TNKS: variants seen among roughly 807,000 people sequenced by gnomAD.
The protein encoded by TNKS is poly [ADP-ribose] polymerase tankyrase-1.
TNKS carries 72 observed loss-of-function variants against 135.8 expected under a neutral mutation model. The ratio of observed to expected loss-of-function variants is 0.53; its 90% CI spans 0.44 to 0.64. The LOEUF (loss-of-function observed/expected upper bound fraction) is 0.64, where lower values mean the gene tolerates loss of function less well. Ranked by LOEUF, TNKS falls within the 30% of genes least tolerant of loss-of-function variation. TNKS has a pLI of 0.00. For missense variants in TNKS, 1,769 were observed against 1,674.0 expected (o/e 1.06, Z -0.99); for synonymous variants, 849 against 649.3 (o/e 1.31, Z -4.68).
chr8:9,743,591 A>G (rs1806081447), intron 17 of TNKS: 1 of 152,218 alleles, frequency 6.6e-6, no homozygotes, highest in African/African-American at 2.4e-5. Context: ...GTTATTATAA[A>G]ATAACTTGCT....
intron 2 of TNKS, among the ~76,000 whole-genome samples, chr8:9,602,798 A>C (rs1047679731): frequency 6.6e-6 from 1 of 152,232 alleles, no homozygotes; most frequent in Non-Finnish European, 1.5e-5. Context: ...TATCTCAAGT[A>C]TTATTTCAAC....
rs1797699290 is a variant in TNKS, at chr8:9,570,078, TAA to T, written c.674-10080_674-10079del. ...ATTTTAAATTTATTTTGCTATATAT[TAA>T]GAGGTAAATATTTTAAAAATTGTTC... On this transcript the variant is annotated intron_variant, in intron 1 of 26. Coordinates refer to ENST00000310430, the MANE Select transcript of TNKS (RefSeq NM_003747.3). Among the ~76,000 whole-genome samples, 3 of 152,200 alleles carry T rather than the reference TAA, an allele frequency of 2.0e-5. No homozygotes were observed. The South Asian group carries it at 6.2e-4, about 31-fold the overall frequency.
rs946619289 is a variant in TNKS at position 9,669,433 on chromosome 8, A to C, written c.995-10518A>C. Among the ~76,000 whole-genome samples the C allele has an allele frequency of 1.6e-4, 24 of 152,028 alleles. 3 individuals are homozygous for C. The highest frequency in any genetic ancestry group is 5.8e-4 in the African/African-American group (24 of 41,516). The stretch of plus-strand genomic sequence containing the variant: ...GAGCGAGACTCCGCCTCAAAAAAAA[A>C]AAAAAAAAAAAGAATGGAAAAAAGA... On this transcript the variant is annotated intron_variant, in intron 3 of 26. Transcript: ENST00000310430.
At chr8:9,698,016 G>A (rs1319217437) in intron 5 of TNKS, among the ~76,000 whole-genome samples, 5 of 152,138 alleles carry the variant, frequency 3.3e-5, no homozygotes, top group East Asian at 3.9e-4. Context: ...CCTATCAGTG[G>A]TGGATTGGAT....
chr8:9,565,858 A>G (rs1797509808), intron 1 of TNKS, among the ~76,000 whole-genome samples: 1 of 152,146 alleles, frequency 6.6e-6, no homozygotes, highest in Admixed American at 6.5e-5. Flanking sequence ...CTCCGTCTCA[A>G]AAAAAATAAA....
At chr8:9,567,456 C>T (rs762205703) in intron 1 of TNKS, among the ~76,000 whole-genome samples, 7 of 152,182 alleles carry the variant, frequency 4.6e-5, no homozygotes, top group Non-Finnish European at 1.0e-4. Flanking sequence ...CGCTCTGTCG[C>T]CCAGGCTGGA....
At chr8:9,659,441 C>G (rs937222007) in intron 3 of TNKS, among the ~76,000 whole-genome samples, 3 of 152,130 alleles carry the variant, frequency 2.0e-5, no homozygotes, top group African/African-American at 7.2e-5. Context: ...TCACTCAAAA[C>G]TACTCAACTA....
chr8:9,769,200 TG>T (rs1039149370), intron 25 of TNKS, among the ~76,000 whole-genome samples: 5 of 152,326 alleles, frequency 3.3e-5, no homozygotes, highest in African/African-American at 9.6e-5. Context: ...AATGAATGCA[TG>T]GCTGTGTGCC....
intron 3 of TNKS, among the ~76,000 whole-genome samples, chr8:9,654,421 G>A (rs1052600705): frequency 6.6e-6 from 1 of 152,048 alleles, no homozygotes; most frequent in Non-Finnish European, 1.5e-5. Flanking sequence ...TAATACCTTT[G>A]CAACTGAAAG....
At chr8:9,697,945 G>T (rs951658737) in intron 5 of TNKS, among the ~76,000 whole-genome samples, 1 of 152,126 alleles carries the variant, frequency 6.6e-6, no homozygotes, top group Non-Finnish European at 1.5e-5. Flanking sequence ...AAAGATACAT[G>T]AAGTTGTATG....
intron 3 of TNKS, among the ~76,000 whole-genome samples, chr8:9,671,606 G>C (rs1463537551): frequency 1.3e-5 from 2 of 152,184 alleles, no homozygotes; most frequent in Admixed American, 1.3e-4. Context: ...AGGGGGATTG[G>C]AGTAGGCGAT....
intron 11 of TNKS, among the ~76,000 whole-genome samples, chr8:9,716,818 C>G (rs966662039): frequency 6.6e-6 from 1 of 151,512 alleles, no homozygotes; most frequent in African/African-American, 2.4e-5. Context: ...TCTCTATGGC[C>G]TAAATGTGGT....
intron 13 of TNKS, among the ~76,000 whole-genome samples, chr8:9,728,617 G>A (rs1805270321): frequency 6.6e-6 from 1 of 151,954 alleles, no homozygotes; most frequent in African/African-American, 2.4e-5. Context: ...CTTAGAGGGT[G>A]TTTATTATCA....
intron 3 of TNKS, among the ~76,000 whole-genome samples, chr8:9,648,090 C>A (rs1800984008): frequency 6.6e-6 from 1 of 152,104 alleles, no homozygotes; most frequent in East Asian, 1.9e-4. Flanking sequence ...GCTTGCGGGA[C>A]TGGAAGTTGA....
chr8:9,574,266 G>A (rs1251632898), intron 1 of TNKS, among the ~76,000 whole-genome samples: 1 of 152,108 alleles, frequency 6.6e-6, no homozygotes, highest in Non-Finnish European at 1.5e-5. Context: ...GCAGTTCATC[G>A]GGGTACACTT....
At chr8:9,574,776 C>G (rs914754303) in intron 1 of TNKS, among the ~76,000 whole-genome samples, 1 of 152,026 alleles carries the variant, frequency 6.6e-6, no homozygotes. Context: ...GGTAGCTGGA[C>G]AGATGACACA....
intron 5 of TNKS, among the ~76,000 whole-genome samples, chr8:9,698,188 G>A (rs1585342425): frequency 6.6e-6 from 1 of 152,078 alleles, no homozygotes; most frequent in African/African-American, 2.4e-5. Flanking sequence ...CTTATAAGTG[G>A]GATCTAAACA....
intron 2 of TNKS, among the ~76,000 whole-genome samples, chr8:9,580,937 A>G (rs957947718): frequency 3.6e-4 from 55 of 152,202 alleles, no homozygotes; most frequent in African/African-American, 1.2e-3. Context: ...GCTGTATTCA[A>G]TCAGCATTTT....
intron 11 of TNKS, among the ~76,000 whole-genome samples, chr8:9,710,799 G>A (rs1804291390): frequency 1.3e-5 from 2 of 152,156 alleles, no homozygotes; most frequent in African/African-American, 4.8e-5. Flanking sequence ...AGGAGGCTGA[G>A]GCAGGAGAAT....
Sources: gnomAD v4.1 joint callset for allele counts (sites outside exome capture counted in the v4.1 genomes callset) on GRCh38, gnomAD v4.1.1 for gene constraint, MANE v1.5 for transcripts, NCBI Gene and HGNC (gene_info 2026-07-23, HGNC 2026-07-21) for gene names.